PHACTR1: variants seen among roughly 807,000 people sequenced by gnomAD.
The protein encoded by PHACTR1 is phosphatase and actin regulator 1.
Under a neutral mutation model 69.2 loss-of-function variants are expected in PHACTR1, and 16 were observed. The ratio of observed to expected loss-of-function variants is 0.23; its 90% CI spans 0.16 to 0.35. PHACTR1 has a LOEUF of 0.35. PHACTR1 is among the 10% of genes least tolerant of loss of function. The pLI is 1.00. For synonymous variants in PHACTR1, 312 were observed against 284.5 expected (o/e 1.10, Z -0.97); for missense variants, 510 against 734.7 (o/e 0.69, Z 3.54).
chr6:13,280,436 C>T (rs375818371), intron 12 of PHACTR1: 28 of 156,314 alleles, frequency 1.8e-4, no homozygotes, highest in East Asian at 1.2e-3. Context: ...AGAGATGTGG[C>T]GCCTTCCGGC....
At chr6:13,073,424 G>A (rs1301563017) in intron 5 of PHACTR1, among the ~76,000 whole-genome samples, 2 of 131,576 alleles carry the variant, frequency 1.5e-5, no homozygotes, top group African/African-American at 5.8e-5. Context: ...GCTCACTGCA[G>A]TCTCCACCTC....
At chr6:13,120,358 C>G (rs1034967990) in intron 5 of PHACTR1, among the ~76,000 whole-genome samples, 6 of 152,100 alleles carry the variant, frequency 3.9e-5, no homozygotes, top group Admixed American at 2.6e-4. Flanking sequence ...AGGGGCCCCA[C>G]TGTGACATCC....
chr6:13,067,160 T>A (rs1431793721), intron 5 of PHACTR1, among the ~76,000 whole-genome samples: 1 of 152,250 alleles, frequency 6.6e-6, no homozygotes, highest in Admixed American at 6.5e-5. Flanking sequence ...CATATTACTA[T>A]GTCGTATGAA....
chr6:12,985,541 A>AAAAT (rs1179784179), intron 4 of PHACTR1, among the ~76,000 whole-genome samples: 6 of 132,766 alleles, frequency 4.5e-5, no homozygotes, highest in South Asian at 2.5e-4. Flanking sequence ...AAAAAAAAAA[A>AAAAT]ATATATATAT....
chr6:13,260,534 A>T (rs150151811), intron 10 of PHACTR1, among the ~76,000 whole-genome samples: 1 of 152,342 alleles, frequency 6.6e-6, no homozygotes, highest in African/African-American at 2.4e-5. Context: ...TAAAATACTA[A>T]GAATTTTGAC....
intron 4 of PHACTR1, among the ~76,000 whole-genome samples, chr6:12,965,468 T>TC (rs1793348833): frequency 6.7e-6 from 1 of 148,882 alleles, no homozygotes; most frequent in South Asian, 2.1e-4. Flanking sequence ...TTTTTTTTTT[T>TC]GCATTTTGGT....
intron 10 of PHACTR1, among the ~76,000 whole-genome samples, chr6:13,258,155 C>T (rs1295838973): frequency 2.0e-5 from 3 of 152,110 alleles, no homozygotes; most frequent in South Asian, 2.1e-4. Flanking sequence ...GTCAGGAGTT[C>T]GAGACCAGCC....
intron 5 of PHACTR1, among the ~76,000 whole-genome samples, chr6:13,131,973 G>T (rs991067161): frequency 2.0e-5 from 3 of 152,030 alleles, no homozygotes; most frequent in Non-Finnish European, 4.4e-5. Context: ...CTTTTTTCCA[G>T]CATCCTTTCC....
In PHACTR1 at chr6:13,265,894, T is replaced by C. The variant is rs1313456976; in HGVS notation, c.1392-6966T>C. On this transcript the variant is annotated intron_variant, in intron 10 of 14. Coordinates refer to ENST00000332995, the MANE Select transcript of PHACTR1 (RefSeq NM_030948.6). ...CCTCGCCTCTTCCCATTCTCTACTC[T>C]CTCCATACTCATGGCTTCAAATATT... 2.6e-5 allele frequency among the ~76,000 whole-genome samples: 4 copies of C among 152,090 alleles called. No homozygotes were observed. The East Asian group carries it at 7.7e-4, about 29-fold the overall frequency.
intron 5 of PHACTR1, among the ~76,000 whole-genome samples, chr6:13,100,851 A>C (rs898959392): frequency 2.0e-5 from 3 of 152,214 alleles, no homozygotes; most frequent in Admixed American, 6.5e-5. Context: ...AAGGGTAAAG[A>C]GAAGAGGTGA....
At chr6:12,855,375 C>A (rs191340409) in intron 4 of PHACTR1, among the ~76,000 whole-genome samples, 46 of 150,942 alleles carry the variant, frequency 3.0e-4, no homozygotes, top group Admixed American at 2.8e-3. Flanking sequence ...TCTCTTCAGT[C>A]CAGAGGTTTG....
rs143939320 is a variant in PHACTR1, at chr6:13,111,223, A to G, written c.416-48981A>G. ...CGTCTAGATAGATTATTTTAAACCC[A>G]AAGGGTCACTGTATGACAGTGTGCA... is the stretch of plus-strand genomic sequence containing the variant. On this transcript the variant is annotated intron_variant, in intron 5 of 14. Transcript: ENST00000332995. Among the ~76,000 whole-genome samples, 77 of 152,326 alleles carry G rather than the reference A, an allele frequency of 5.1e-4. No homozygotes were observed. In the Middle Eastern group the frequency reaches 0.014, roughly 27 times the overall value.
intron 4 of PHACTR1, among the ~76,000 whole-genome samples, chr6:12,978,584 C>T (rs143812430): frequency 1.2e-4 from 18 of 152,336 alleles, no homozygotes; most frequent in Admixed American, 3.3e-4. Context: ...TTTCCCTCCC[C>T]GCACCCTGTG....
At chr6:13,013,309 A>G (rs1318260676) in intron 4 of PHACTR1, among the ~76,000 whole-genome samples, 1 of 152,222 alleles carries the variant, frequency 6.6e-6, no homozygotes, top group African/African-American at 2.4e-5. Context: ...GAAAACATCA[A>G]TTATGTTGTA....
At chr6:12,988,445 C>A (rs1302888796) in intron 4 of PHACTR1, among the ~76,000 whole-genome samples, 1 of 152,138 alleles carries the variant, frequency 6.6e-6, no homozygotes, top group African/African-American at 2.4e-5. Context: ...AGCGGAGGCT[C>A]CCCTTTGATC....
intron 4 of PHACTR1, among the ~76,000 whole-genome samples, chr6:12,814,411 T>C (rs553272368): frequency 6.6e-6 from 1 of 152,376 alleles, no homozygotes; most frequent in South Asian, 2.1e-4. Flanking sequence ...TGGCACAGAA[T>C]AGACGCTCCA....
chr6:12,779,050 A>G (rs1770463858), intron 4 of PHACTR1, among the ~76,000 whole-genome samples: 1 of 152,068 alleles, frequency 6.6e-6, no homozygotes, highest in Non-Finnish European at 1.5e-5. Flanking sequence ...AAAGTCAGAG[A>G]AGCGGCCGGG....
At chr6:13,272,534 G>A (rs1325331269) in intron 10 of PHACTR1, 2 of 482,888 alleles carry the variant, frequency 4.1e-6, no homozygotes, top group Non-Finnish European at 7.0e-6. Context: ...AGGCCACAAG[G>A]AAAGAAAAGG....
chr6:13,060,179 A>G (rs1476011574), intron 5 of PHACTR1, among the ~76,000 whole-genome samples: 3 of 152,202 alleles, frequency 2.0e-5, no homozygotes, highest in African/African-American at 7.2e-5. Flanking sequence ...AAGTACAGAA[A>G]AATGTCCATT....
Sources: allele counts gnomAD v4.1 joint callset (sites outside exome capture counted in the v4.1 genomes callset), GRCh38; gene constraint gnomAD v4.1.1; transcripts MANE v1.5; gene names NCBI Gene and HGNC (gene_info 2026-07-23, HGNC 2026-07-21).